The following SGCZ variants were observed in gnomAD, a reference collection of about 807,000 sequenced individuals.
The protein encoded by SGCZ is sarcoglycan zeta.
Under a neutral mutation model 41.3 loss-of-function variants are expected in SGCZ, and 40 were observed. The observed-to-expected ratio is 0.97, with a 90% CI of 0.75 to 1.26. SGCZ has a LOEUF of 1.26. Ranked by LOEUF, SGCZ falls within the 50% of genes most tolerant of loss-of-function variation. The probability of loss-of-function intolerance (pLI) is 0.00; values close to 1 mark genes in which losing one functional copy is unlikely to be tolerated. For synonymous variants in SGCZ, 206 were observed against 137.5 expected (o/e 1.50, Z -3.49); for missense variants, 552 against 369.8 (o/e 1.49, Z -4.04).
chr8:14,896,888 C>T lies in SGCZ; in HGVS notation c.39+340697G>A, dbSNP rs148115726. Among the ~76,000 whole-genome samples the T allele has an allele frequency of 3.6e-3, 554 of 152,128 alleles. 4 individuals carry two copies. The highest frequency in any genetic ancestry group is 0.013 in the African/African-American group (531 of 41,504). On this transcript the variant is annotated intron_variant, in intron 1 of 7. Coordinates refer to ENST00000382080, the MANE Select transcript of SGCZ (RefSeq NM_139167.4). ...CTCCGCCTCCTGGGTTGAAGCGATT[C>T]TCCCGCCTCAGCCCTCCTGAGTAGC... is the stretch of plus-strand genomic sequence containing the variant.
At chr8:14,319,622 A>C (rs1234340409) in intron 3 of SGCZ, 1 of 152,120 alleles carries the variant, frequency 6.6e-6, no homozygotes, top group East Asian at 1.9e-4. Flanking sequence ...AAAATCCATA[A>C]TATAAAGAAG....
chr8:14,482,339 A>C (rs1801557068), intron 2 of SGCZ, among the ~76,000 whole-genome samples: 1 of 152,178 alleles, frequency 6.6e-6, no homozygotes, highest in Non-Finnish European at 1.5e-5. Context: ...ACAAGCAAAC[A>C]GCATTTCCTG....
At chr8:14,278,262 C>T (rs993512731) in intron 3 of SGCZ, among the ~76,000 whole-genome samples, 3 of 152,164 alleles carry the variant, frequency 2.0e-5, no homozygotes, top group Non-Finnish European at 4.4e-5. Context: ...TTGAGTGTCA[C>T]ATTTGTGAGA....
chr8:14,229,449 GATTA>G (rs1806485165), intron 4 of SGCZ, among the ~76,000 whole-genome samples: 1 of 151,840 alleles, frequency 6.6e-6, no homozygotes, highest in Non-Finnish European at 1.5e-5. Flanking sequence ...TCCTCAAATG[GATTA>G]ATTAATTATA....
chr8:14,361,969 G>C (rs752808764), intron 2 of SGCZ, among the ~76,000 whole-genome samples: 31 of 152,106 alleles, frequency 2.0e-4, no homozygotes, highest in Non-Finnish European at 4.1e-4. Context: ...GAGTTTTCTA[G>C]AGGTCAACTC....
intron 4 of SGCZ, among the ~76,000 whole-genome samples, chr8:14,220,718 C>T (rs1213902270): frequency 6.6e-6 from 1 of 151,870 alleles, no homozygotes; most frequent in Non-Finnish European, 1.5e-5. Context: ...ACCCGGGAGG[C>T]GGAGCTTGCA....
intron 2 of SGCZ, among the ~76,000 whole-genome samples, chr8:14,436,348 GTGTTCTT>G: frequency 6.6e-6 from 1 of 152,280 alleles, no homozygotes; most frequent in East Asian, 1.9e-4. Flanking sequence ...TTTAAGGTTT[GTGTTCTT>G]TGTTCTTCGC....
chr8:14,110,295 A>ATAAC (rs902621453), intron 5 of SGCZ, among the ~76,000 whole-genome samples: 2 of 152,166 alleles, frequency 1.3e-5, no homozygotes, highest in Non-Finnish European at 2.9e-5. Context: ...TTGCACATGG[A>ATAAC]TAACTATTTC....
At chr8:14,900,405 G>C (rs891684872) in intron 1 of SGCZ, among the ~76,000 whole-genome samples, 1 of 152,132 alleles carries the variant, frequency 6.6e-6, no homozygotes, top group African/African-American at 2.4e-5. Flanking sequence ...CCCACAGTCA[G>C]TTCTTGGGCA....
chr8:14,824,911 T>C (rs547075003), intron 1 of SGCZ, among the ~76,000 whole-genome samples: 1 of 152,246 alleles, frequency 6.6e-6, no homozygotes, highest in East Asian at 1.9e-4. Flanking sequence ...TACCAATTTT[T>C]TGTCAACATT....
chr8:14,898,496 T>C (rs542711310), intron 1 of SGCZ, among the ~76,000 whole-genome samples: 6 of 152,272 alleles, frequency 3.9e-5, no homozygotes, highest in South Asian at 2.1e-4. Flanking sequence ...CAGGGACTGA[T>C]ATGGTTAGGT....
chr8:14,364,413 T>A (rs1297092073), intron 2 of SGCZ, among the ~76,000 whole-genome samples: 1 of 152,164 alleles, frequency 6.6e-6, no homozygotes, highest in Admixed American at 6.5e-5. Flanking sequence ...ATGTATATTC[T>A]TTGTCTCACT....
chr8:15,169,144 A>T (rs921509266), intron 1 of SGCZ, among the ~76,000 whole-genome samples: 1 of 152,210 alleles, frequency 6.6e-6, no homozygotes, highest in African/African-American at 2.4e-5. Context: ...GCCTCTAAGG[A>T]AGCTCTGACT....
chr8:15,121,602 A>T (rs1386256739), intron 1 of SGCZ, among the ~76,000 whole-genome samples: 7 of 152,176 alleles, frequency 4.6e-5, no homozygotes, highest in Non-Finnish European at 8.8e-5. Context: ...ATATAACAAT[A>T]TGGGAATTTA....
chr8:14,087,616 G>C lies in SGCZ; in HGVS notation c.*2827C>G, dbSNP rs533975617. Among the ~76,000 whole-genome samples, 5 of 151,336 alleles carry C rather than the reference G, an allele frequency of 3.3e-5. No individual in the cohort carries two copies. The highest frequency in any genetic ancestry group is 3.9e-4 in the East Asian group (2 of 5,132). On this transcript the variant is annotated 3_prime_UTR_variant, in exon 8 of 8. Coordinates refer to ENST00000382080, the MANE Select transcript of SGCZ (RefSeq NM_139167.4). ...TTTGGGGAAGATGAAATTTATATAA[G>C]TAAACTGCATTTTATTTATACATAT...
At chr8:15,067,650 T>C (rs1805202943) in intron 1 of SGCZ, among the ~76,000 whole-genome samples, 1 of 152,198 alleles carries the variant, frequency 6.6e-6, no homozygotes, top group Non-Finnish European at 1.5e-5. Context: ...TTTGATAAAA[T>C]AATTCCACAT....
chr8:15,038,858 A>C (rs1803971479), intron 1 of SGCZ, among the ~76,000 whole-genome samples: 1 of 151,582 alleles, frequency 6.6e-6, no homozygotes, highest in Admixed American at 6.6e-5. Flanking sequence ...GAAAGAAAAC[A>C]GGCCAAAAGA....
chr8:15,187,117 C>G (rs1302905447), intron 1 of SGCZ, among the ~76,000 whole-genome samples: 1 of 152,112 alleles, frequency 6.6e-6, no homozygotes, highest in Non-Finnish European at 1.5e-5. Context: ...TTATTTAGCT[C>G]TACTAGCTGA....
chr8:14,380,633 C>G (rs58336745), intron 2 of SGCZ, among the ~76,000 whole-genome samples: 6,798 of 152,196 alleles, frequency 0.045, 491 homozygotes, highest in African/African-American at 0.15. Flanking sequence ...GCAGGCACAT[C>G]GTCAGGTCAA....
Sources: allele counts gnomAD v4.1 joint callset (sites outside exome capture counted in the v4.1 genomes callset), GRCh38; gene constraint gnomAD v4.1.1; transcripts MANE v1.5; gene names NCBI Gene and HGNC (gene_info 2026-07-23, HGNC 2026-07-21).